The following DMD variants were observed in gnomAD, a reference collection of about 807,000 sequenced individuals.
DMD encodes dystrophin.
DMD carries 63 observed loss-of-function variants against 330.1 expected under a neutral mutation model. That is an observed-to-expected ratio of 0.19 (90% CI 0.16 to 0.24). DMD has a LOEUF of 0.24. Among genes scored for constraint, DMD ranks in the 10% least tolerant of loss-of-function variants. The probability of loss-of-function intolerance (pLI) is 1.00; values close to 1 mark genes in which losing one functional copy is unlikely to be tolerated. For synonymous variants in DMD, 1,223 were observed against 959.8 expected, an observed-to-expected ratio of 1.27 and a Z score of -5.07; for missense variants, 3,344 against 2,684.1, an observed-to-expected ratio of 1.25 and a Z score of -5.43.
At chrX:31,170,445 G>A (rs1035629598) in intron 73 of DMD, among the ~76,000 whole-genome samples, 1 of 110,678 alleles carries the variant, frequency 9.0e-6, no homozygotes, top group African/African-American at 3.3e-5. Context: ...ATTGCTCCAA[G>A]CTCCGGAAAG....
intron 4 of DMD, among the ~76,000 whole-genome samples, chrX:32,843,392 C>T (rs5971664): frequency 0.42 from 46,084 of 110,916 alleles, 10,205 homozygotes; most frequent in African/African-American, 0.86. Flanking sequence ...AGAAAATCAG[C>T]TCATAGATTA....
At chrX:31,741,364 C>T (rs967137752) in intron 51 of DMD, among the ~76,000 whole-genome samples, 2 of 112,011 alleles carry the variant, frequency 1.8e-5, no homozygotes, top group Admixed American at 9.6e-5. Flanking sequence ...GGACTCACCA[C>T]AATATAGCAG....
chrX:31,903,321 G>T (rs2094444751), intron 47 of DMD, among the ~76,000 whole-genome samples: 1 of 111,419 alleles, frequency 9.0e-6, no homozygotes, highest in Non-Finnish European at 1.9e-5. Flanking sequence ...GTAGGCTGTT[G>T]TTACCACATT....
chrX:32,014,048 T>C (rs1458932949), intron 44 of DMD, among the ~76,000 whole-genome samples: 1 of 112,311 alleles, frequency 8.9e-6, no homozygotes, highest in Non-Finnish European at 1.9e-5. Context: ...TTAAAAGTGC[T>C]TCCTAATGAA....
intron 1 of DMD, among the ~76,000 whole-genome samples, chrX:33,079,853 G>C (rs2094900794): frequency 9.0e-6 from 1 of 111,327 alleles, no homozygotes; most frequent in Non-Finnish European, 1.9e-5. Context: ...TTCCAAACAA[G>C]ACCCAATAAA....
chrX:32,411,713 A>T, intron 30 of DMD, 39 bp downstream of exon 30: 2 of 1,202,545 alleles, frequency 1.7e-6, no homozygotes, highest in Non-Finnish European at 2.3e-6. Context: ...TGAAGTAATA[A>T]AAACAAAAGA....
intron 62 of DMD, among the ~76,000 whole-genome samples, chrX:31,293,467 T>C (rs73464390): frequency 0.017 from 1,929 of 111,109 alleles, 54 homozygotes; most frequent in African/African-American, 0.06. Flanking sequence ...TGAAATACTA[T>C]GGGTAATGAT....
chrX:31,528,896 C>T (rs1300060140), intron 55 of DMD, among the ~76,000 whole-genome samples: 2 of 110,892 alleles, frequency 1.8e-5, no homozygotes, highest in Non-Finnish European at 3.8e-5. Flanking sequence ...TTTGGGAGGC[C>T]GAGGTAGGAG....
rs1194867730 is a variant in DMD at position 31,627,739 on chromosome X, A to G, written c.8151T>C (p.Asp2717=). The G allele has an allele frequency of 1.7e-6, 2 of 1,211,182 alleles. No homozygotes were observed. The highest frequency in any genetic ancestry group is 2.2e-6 in the Non-Finnish European group (2 of 895,293). Reference sequence around the variant, plus strand: ...CTAGGAGCCTTTCCTTACGGGTAGCATCCTGTAGGACATTGGCAGTTGTTT... The same window carrying G: ...CTAGGAGCCTTTCCTTACGGGTAGCGTCCTGTAGGACATTGGCAGTTGTTT... ...EAETTANVLQ[D]ATRKERLLED... The change falls in exon 55 of 79, where the codon GAT becomes GAC. Residue 2717 remains aspartate (D), a synonymous_variant. Transcript: ENST00000357033.
At chrX:31,439,595 A>C (rs1014319720) in intron 60 of DMD, among the ~76,000 whole-genome samples, 1 of 112,295 alleles carries the variant, frequency 8.9e-6, no homozygotes, top group Non-Finnish European at 1.9e-5. Flanking sequence ...CAGATTTTAA[A>C]GGTGTTTGCA....
intron 48 of DMD, among the ~76,000 whole-genome samples, chrX:31,866,471 A>T (rs1056806761): frequency 8.9e-6 from 1 of 112,070 alleles, no homozygotes; most frequent in Non-Finnish European, 1.9e-5. Flanking sequence ...CATAAATTAC[A>T]TATCAGGGCA....
At chrX:33,095,498 C>T (rs1192300875) in intron 1 of DMD, among the ~76,000 whole-genome samples, 1 of 112,066 alleles carries the variant, frequency 8.9e-6, no homozygotes, top group African/African-American at 3.2e-5. Context: ...TTAGTCATTG[C>T]TCATGTTGTG....
At chrX:33,161,269 AATC>A (rs1452946097) in intron 1 of DMD, among the ~76,000 whole-genome samples, 2 of 111,589 alleles carry the variant, frequency 1.8e-5, no homozygotes, top group African/African-American at 6.5e-5. Context: ...CTGCTCTTTG[AATC>A]ATCAACAGTC....
chrX:31,986,116 GT>G (rs1281495557), intron 44 of DMD, among the ~76,000 whole-genome samples: 1 of 111,592 alleles, frequency 9.0e-6, no homozygotes, highest in African/African-American at 3.3e-5. Flanking sequence ...GTACAAGGAT[GT>G]TCACTGCAGT....
At chrX:31,249,593 T>G (rs939805632) in intron 63 of DMD, among the ~76,000 whole-genome samples, 4 of 111,439 alleles carry the variant, frequency 3.6e-5, no homozygotes, top group Non-Finnish European at 7.5e-5. Context: ...TATTTTAATT[T>G]GCATGTCAAA....
chrX:33,122,469 A>T (rs1460629574), intron 1 of DMD, among the ~76,000 whole-genome samples: 1 of 111,987 alleles, frequency 8.9e-6, no homozygotes, highest in Non-Finnish European at 1.9e-5. Context: ...CTTTAACCAA[A>T]AGGCTGTGGT....
rs767559999 is a variant in DMD at position 32,699,203 on chromosome X, G to C, written c.740C>G (p.Ala247Gly). 2 of 1,207,983 alleles carry C rather than the reference G, an allele frequency of 1.7e-6. No individual in the cohort carries two copies. The highest frequency in any genetic ancestry group is 3.5e-5 in the African/African-American group (2 of 57,684). ...TGGCAACATTTCCACTTCCTGGATG[G>C]CTTCAATGCTCACTTGTTGAGGCAA... ...QVLPQQVSIE[A>G]IQEVEMLPRP... The change falls in exon 8 of 79, where the codon GCC (alanine) becomes GGC (glycine). Residue 247 changes from alanine to glycine, a missense_variant. By Grantham distance (60) the Ala-to-Gly change is moderately conservative. Coordinates refer to ENST00000357033, the MANE Select transcript of DMD (RefSeq NM_004006.3).
At chrX:31,701,232 T>G (rs2083785816) in intron 52 of DMD, among the ~76,000 whole-genome samples, 1 of 112,269 alleles carries the variant, frequency 8.9e-6, no homozygotes, top group Non-Finnish European at 1.9e-5. Flanking sequence ...ATCTACACCT[T>G]GCCACTTCAA....
chrX:32,257,306 G>A (rs757356160), intron 43 of DMD, among the ~76,000 whole-genome samples: 32 of 111,831 alleles, frequency 2.9e-4, no homozygotes, highest in Non-Finnish European at 5.1e-4. Context: ...TACAGAATTA[G>A]GAAAAATTAC....
Sources: allele counts gnomAD v4.1 joint callset (sites outside exome capture counted in the v4.1 genomes callset), GRCh38; gene constraint gnomAD v4.1.1; transcripts MANE v1.5; gene names NCBI Gene and HGNC (gene_info 2026-07-23, HGNC 2026-07-21).